ARHGEF33: variants seen among roughly 807,000 people sequenced by gnomAD.
ARHGEF33 encodes DH and coiled-coil domain-containing protein ENSP00000381780.
In ARHGEF33, 72 loss-of-function variants were observed where a neutral mutation model predicts 101.9. The observed-to-expected ratio is 0.71, with a 90% CI of 0.58 to 0.86. ARHGEF33 has a LOEUF of 0.86. ARHGEF33 is among the 40% of genes least tolerant of loss of function. The pLI, the probability that ARHGEF33 is intolerant of heterozygous loss-of-function variation, is 0.00. For missense variants in ARHGEF33, 1,169 were observed against 1,111.3 expected (o/e 1.05, Z -0.74); for synonymous variants, 499 against 442.5 (o/e 1.13, Z -1.60).
intron 9 of ARHGEF33, among the ~76,000 whole-genome samples, chr2:38,941,878 G>A (rs562202009): frequency 6.6e-6 from 1 of 151,890 alleles, no homozygotes; most frequent in East Asian, 1.9e-4. Flanking sequence ...TAACTTTTAG[G>A]ATCTTGTTTT....
intron 2 of ARHGEF33, among the ~76,000 whole-genome samples, chr2:38,914,051 A>G (rs1361367276): frequency 2.0e-5 from 3 of 152,220 alleles, no homozygotes; most frequent in Admixed American, 6.5e-5. Flanking sequence ...GTAGCTATAA[A>G]CTATCACTTG....
intron 2 of ARHGEF33, among the ~76,000 whole-genome samples, chr2:38,902,236 ATC>A (rs1666261839): frequency 6.6e-6 from 1 of 152,142 alleles, no homozygotes; most frequent in African/African-American, 2.4e-5. Context: ...GTTTTTAAAA[ATC>A]TCTCAAGATT....
chr2:38,944,370 A>C (rs963773534), intron 10 of ARHGEF33, among the ~76,000 whole-genome samples: 2 of 152,146 alleles, frequency 1.3e-5, no homozygotes, highest in Non-Finnish European at 2.9e-5. Context: ...CTTACATGGC[A>C]GAAGATCAGG....
At chr2:38,972,900 G>A (rs1432956779) in intron 17 of ARHGEF33, 1 of 152,114 alleles carries the variant, frequency 6.6e-6, no homozygotes, top group Non-Finnish European at 1.5e-5. Context: ...TTTGATATTG[G>A]TTCTTAGTGT....
intron 16 of ARHGEF33, among the ~76,000 whole-genome samples, chr2:38,965,384 T>C (rs527555888): frequency 6.6e-6 from 1 of 152,362 alleles, no homozygotes; most frequent in East Asian, 1.9e-4. Flanking sequence ...TTTTAACTTA[T>C]TTTACTTTAT....
At chr2:38,929,104 A>G (rs1405329664) in intron 5 of ARHGEF33, 33 bp downstream of exon 5, 1 of 1,523,456 alleles carries the variant, frequency 6.6e-7, no homozygotes, top group Non-Finnish European at 8.9e-7. Context: ...TGCTGACAAG[A>G]GAATTTTGGT....
intron 2 of ARHGEF33, among the ~76,000 whole-genome samples, chr2:38,906,848 C>G (rs1666402782): frequency 6.7e-6 from 1 of 149,324 alleles, no homozygotes; most frequent in Non-Finnish European, 1.5e-5. Flanking sequence ...GTGGCAGCTA[C>G]TCAGGCAGCT....
At chr2:38,961,608 CATTA>C (rs1667941371) in intron 16 of ARHGEF33, among the ~76,000 whole-genome samples, 1 of 152,132 alleles carries the variant, frequency 6.6e-6, no homozygotes, top group African/African-American at 2.4e-5. Flanking sequence ...TTTTCTCATT[CATTA>C]ATTTTTCAGC....
At chr2:38,954,164 A>G (rs1558441474) in intron 12 of ARHGEF33, among the ~76,000 whole-genome samples, 1 of 152,250 alleles carries the variant, frequency 6.6e-6, no homozygotes, top group Non-Finnish European at 1.5e-5. Flanking sequence ...AAATAAGTAT[A>G]TGATATGCTC....
chr2:38,971,829 AC>A, intron 17 of ARHGEF33: 1 of 718,562 alleles, frequency 1.4e-6, no homozygotes, highest in Non-Finnish European at 2.6e-6. Context: ...GAGTTTATGG[AC>A]TTTGAAAACT....
chr2:38,925,704 C>T (rs929815470), intron 4 of ARHGEF33, among the ~76,000 whole-genome samples: 4 of 152,180 alleles, frequency 2.6e-5, no homozygotes, highest in Admixed American at 2.6e-4. Context: ...CAATTACCTT[C>T]GCCTCCTTGC....
chr2:38,960,013 G>C lies in ARHGEF33; in HGVS notation c.1708G>C (p.Gly570Arg), dbSNP rs1447870857. The change falls in exon 16 of 18, where the codon GGG becomes CGG. Residue 570 changes from glycine to arginine, a missense_variant. Transcript: ENST00000409978. ...CGAGCAGGACGTGAAGGCGCTGGCCGGGCCCCTGCAGGCCATCCCGGAGAT... is the reference window on the plus strand; with the variant it reads ...CGAGCAGGACGTGAAGGCGCTGGCCCGGCCCCTGCAGGCCATCCCGGAGAT... ...AAEQDVKALA[G>R]PLQAIPEMDF... 1.9e-6 allele frequency: 3 copies of C among 1,548,564 alleles called. No homozygotes were observed. The highest frequency in any genetic ancestry group is 2.6e-6 in the Non-Finnish European group (3 of 1,145,570).
chr2:38,894,619 CA>C (rs1009265042), intron 1 of ARHGEF33, among the ~76,000 whole-genome samples: 1 of 152,136 alleles, frequency 6.6e-6, no homozygotes, highest in Non-Finnish European at 1.5e-5. Flanking sequence ...CCTCTTGGTC[CA>C]AGACAGTTGC....
intron 1 of ARHGEF33, among the ~76,000 whole-genome samples, chr2:38,893,027 C>G (rs1018047286): frequency 1.3e-5 from 2 of 152,174 alleles, no homozygotes; most frequent in South Asian, 2.1e-4. Flanking sequence ...AGAGCAAGCT[C>G]CAAAGAAGAG....
rs1667873717 is a variant in ARHGEF33, at chr2:38,959,996, A to G, written c.1691A>G (p.Asp564Gly). Reference protein sequence around the residue: ...APTQFCAAEQDVKALAGPLQA... With the variant: ...APTQFCAAEQGVKALAGPLQA... ...ACGCAGTTCTGCGCGGCCGAGCAGG[A>G]CGTGAAGGCGCTGGCCGGGCCCCTG... Residue 564 changes from aspartate to glycine, a missense_variant, in exon 16 of 18, where the codon GAC becomes GGC. Asp to Gly is a moderately conservative substitution (Grantham distance 94). Transcript: ENST00000409978. The G allele has an allele frequency of 1.3e-6, 2 of 1,550,148 alleles. No homozygotes were observed. The highest frequency in any genetic ancestry group is 1.4e-5 in the African/African-American group (1 of 73,012).
chr2:38,940,999 G>C (rs1186879203), intron 9 of ARHGEF33, among the ~76,000 whole-genome samples: 1 of 152,140 alleles, frequency 6.6e-6, no homozygotes, highest in African/African-American at 2.4e-5. Flanking sequence ...CTGGAAAAAT[G>C]TCTCAAAAGA....
rs147886662 is a variant in ARHGEF33, at chr2:38,957,973, T to C, written c.1371-61T>C. 2.3e-4 allele frequency: 356 copies of C among 1,522,824 alleles called. 1 individual carries two copies. The African/African-American group carries it at 3.9e-3, about 17-fold the overall frequency. 94.3% of individuals were successfully genotyped at this position (1,522,824 alleles called of 1,614,324 possible). On this transcript the variant is annotated intron_variant, in intron 14 of 17. Transcript: ENST00000409978. ...TCTCTCTATCTTTTTTGGCATAATA[T>C]GTGTTCAGAGAGCCAGTTTGCCACT... is the stretch of plus-strand genomic sequence containing the variant.
chr2:38,930,515 TA>T (rs1161572123), intron 6 of ARHGEF33, among the ~76,000 whole-genome samples: 1 of 151,218 alleles, frequency 6.6e-6, no homozygotes. Context: ...CTAGCTAATT[TA>T]AAAAAAAATT....
intron 17 of ARHGEF33, among the ~76,000 whole-genome samples, chr2:38,968,343 A>G (rs980955884): frequency 1.3e-5 from 2 of 152,162 alleles, no homozygotes; most frequent in Admixed American, 6.5e-5. Flanking sequence ...AGTCCTTTCT[A>G]GTGTGGAGAT....
Sources: allele counts gnomAD v4.1 joint callset (sites outside exome capture counted in the v4.1 genomes callset), GRCh38; gene constraint gnomAD v4.1.1; transcripts MANE v1.5; gene names NCBI Gene and HGNC (gene_info 2026-07-23, HGNC 2026-07-21).